The following INPP4B variants were observed in gnomAD, a reference collection of about 807,000 sequenced individuals.
INPP4B encodes the protein inositol polyphosphate-4-phosphatase type II B, also known as inositol polyphosphate 4-phosphatase type II.
A neutral mutation model predicts 122.5 loss-of-function variants in INPP4B; 55 were observed. That is an observed-to-expected ratio of 0.45 (90% confidence interval 0.36 to 0.56). The LOEUF (loss-of-function observed/expected upper bound fraction) is 0.56. Among genes scored for constraint, INPP4B ranks in the 20% least tolerant of loss-of-function variants. INPP4B has a pLI of 0.00. For synonymous variants in INPP4B, 403 were observed against 388.7 expected, an observed-to-expected ratio of 1.04 and a Z score of -0.43; for missense variants, 1,000 against 1,097.7, an observed-to-expected ratio of 0.91 and a Z score of 1.26.
chr4:142,029,376 T>C, intron 25 of INPP4B: 2 of 985,508 alleles, frequency 2.0e-6, no homozygotes, highest in Non-Finnish European at 2.4e-6. Context: ...TCTATTTTAT[T>C]ATTTTAGCTG....
intron 2 of INPP4B, among the ~76,000 whole-genome samples, chr4:142,619,460 CATT>C (rs974231067): frequency 1.3e-5 from 2 of 151,982 alleles, no homozygotes; most frequent in African/African-American, 4.8e-5. Flanking sequence ...ACCTTGAAGA[CATT>C]ATGCTATGTG....
intron 12 of INPP4B, among the ~76,000 whole-genome samples, chr4:142,213,892 A>G (rs1845910964): frequency 6.6e-6 from 1 of 152,120 alleles, no homozygotes; most frequent in Admixed American, 6.5e-5. Context: ...TGAGTGAGTC[A>G]CAGGGAACTC....
intron 18 of INPP4B, among the ~76,000 whole-genome samples, chr4:142,144,426 ATTC>A (rs1809583096): frequency 6.6e-6 from 1 of 152,010 alleles, no homozygotes. Context: ...ACTAAAATGA[ATTC>A]TTCTTACCTC....
intron 22 of INPP4B, among the ~76,000 whole-genome samples, chr4:142,111,879 G>C (rs556106553): frequency 6.6e-6 from 1 of 151,762 alleles, no homozygotes; most frequent in Non-Finnish European, 1.5e-5. Context: ...GAGTAGCTGG[G>C]ATTACAGGTG....
chr4:142,783,145 A>G (rs1580904886), intron 1 of INPP4B, among the ~76,000 whole-genome samples: 3 of 152,276 alleles, frequency 2.0e-5, no homozygotes, highest in South Asian at 2.1e-4. Context: ...AATGGCAACA[A>G]AAGCCAAAAT....
intron 12 of INPP4B, among the ~76,000 whole-genome samples, chr4:142,217,214 T>C (rs1358137142): frequency 3.3e-5 from 5 of 152,188 alleles, no homozygotes; most frequent in Non-Finnish European, 5.9e-5. Flanking sequence ...TGTAGCTCTA[T>C]TTAAAGCTTC....
At chr4:142,723,165 G>C (rs1456263318) in intron 2 of INPP4B, among the ~76,000 whole-genome samples, 1 of 151,990 alleles carries the variant, frequency 6.6e-6, no homozygotes, top group Non-Finnish European at 1.5e-5. Context: ...TGTGTTTACA[G>C]AAAGCCTAAA....
intron 17 of INPP4B, among the ~76,000 whole-genome samples, chr4:142,147,547 G>C (rs1246479495): frequency 6.6e-6 from 1 of 152,168 alleles, no homozygotes; most frequent in Non-Finnish European, 1.5e-5. Flanking sequence ...CAGTTGGAAT[G>C]ATAATTCTTG....
intron 1 of INPP4B, among the ~76,000 whole-genome samples, chr4:142,806,329 G>T (rs971674490): frequency 6.7e-6 from 1 of 148,162 alleles, no homozygotes; most frequent in Non-Finnish European, 1.5e-5. Context: ...ATATAAATGC[G>T]TGTGTGCACT....
intron 12 of INPP4B, among the ~76,000 whole-genome samples, chr4:142,216,956 A>G (rs1847548762): frequency 6.6e-6 from 1 of 152,180 alleles, no homozygotes; most frequent in Admixed American, 6.5e-5. Flanking sequence ...TTTAAACTTT[A>G]TTCCTTATAC....
intron 12 of INPP4B, among the ~76,000 whole-genome samples, chr4:142,217,844 G>C (rs1847943838): frequency 6.6e-6 from 1 of 152,134 alleles, no homozygotes; most frequent in Admixed American, 6.5e-5. Context: ...CTTCCCCCAA[G>C]TAAGAGAGGA....
intron 2 of INPP4B, among the ~76,000 whole-genome samples, chr4:142,486,604 T>A (rs1162283452): frequency 1.3e-5 from 2 of 152,116 alleles, no homozygotes; most frequent in African/African-American, 4.8e-5. Flanking sequence ...AATCAGAAGT[T>A]TTTTATATAT....
intron 11 of INPP4B, among the ~76,000 whole-genome samples, chr4:142,252,455 T>A (rs555806344): frequency 1.3e-5 from 2 of 152,270 alleles, no homozygotes; most frequent in South Asian, 2.1e-4. Context: ...CCCAAAGTGC[T>A]GGGATTACAG....
intron 25 of INPP4B, among the ~76,000 whole-genome samples, chr4:142,044,988 G>C (rs921416167): frequency 6.6e-6 from 1 of 152,098 alleles, no homozygotes; most frequent in Non-Finnish European, 1.5e-5. Flanking sequence ...GACACAATCA[G>C]AAATTTTTGC....
chr4:142,406,144 C>T (rs1363728239), intron 5 of INPP4B, among the ~76,000 whole-genome samples: 1 of 152,170 alleles, frequency 6.6e-6, no homozygotes, highest in Non-Finnish European at 1.5e-5. Flanking sequence ...TCGCCTCCCA[C>T]CTTTGAAATA....
chr4:142,160,469 C>T lies in INPP4B; in HGVS notation c.1452G>A (p.Lys484=), dbSNP rs1233015093. ...CTGTGCTGCTCTTAGGAGAGGGTGG[C>T]TTCTTAAGAATGCCTCCTGGCCTTG... ...YTARPGGILK[K]PPSPKSSTEE... is the part of the protein sequence containing the mutation. Residue 484 remains lysine, a synonymous_variant, in exon 17 of 26, where the codon AAG becomes AAA. Transcript: ENST00000262992. 2 of 1,612,736 alleles carry T rather than the reference C, an allele frequency of 1.2e-6. No homozygotes were observed. Among genetic ancestry groups the T allele is most frequent in the Admixed American group, 3.3e-5 (2 of 59,816 alleles).
intron 25 of INPP4B, among the ~76,000 whole-genome samples, chr4:142,081,760 C>A (rs1314432407): frequency 6.6e-6 from 1 of 151,712 alleles, no homozygotes; most frequent in Admixed American, 6.6e-5. Flanking sequence ...TATAATAATG[C>A]ATGTCATCAA....
chr4:142,562,910 T>C (rs1412039126), intron 2 of INPP4B, among the ~76,000 whole-genome samples: 1 of 152,114 alleles, frequency 6.6e-6, no homozygotes, highest in Non-Finnish European at 1.5e-5. Flanking sequence ...TTTCCCAGAA[T>C]GACTGTGGAA....
intron 2 of INPP4B, among the ~76,000 whole-genome samples, chr4:142,702,164 C>T (rs1169951511): frequency 6.6e-6 from 1 of 151,670 alleles, no homozygotes; most frequent in Non-Finnish European, 1.5e-5. Flanking sequence ...ATGGCTTTGT[C>T]CTCTTTAAGC....
Sources: gnomAD v4.1 joint callset for allele counts (sites outside exome capture counted in the v4.1 genomes callset) on GRCh38, gnomAD v4.1.1 for gene constraint, MANE v1.5 for transcripts, NCBI Gene and HGNC (gene_info 2026-07-23, HGNC 2026-07-21) for gene names.